The following RBFOX1 variants were observed in gnomAD, a reference collection of about 807,000 sequenced individuals.
RBFOX1 encodes RNA binding protein fox-1 homolog 1.
Under a neutral mutation model 57.7 loss-of-function variants are expected in RBFOX1, and 8 were observed. The observed-to-expected ratio is 0.14, with a 90% CI of 0.08 to 0.25. The LOEUF is 0.25. Ranked by LOEUF, RBFOX1 falls within the 10% of genes least tolerant of loss-of-function variation. The probability of loss-of-function intolerance (pLI) is 1.00; values close to 1 mark genes in which losing one functional copy is unlikely to be tolerated. For missense variants in RBFOX1, 611 were observed against 548.5 expected, an observed-to-expected ratio of 1.11 and a Z score of -1.14; for synonymous variants, 326 against 222.4, an observed-to-expected ratio of 1.47 and a Z score of -4.15.
intron 4 of RBFOX1, among the ~76,000 whole-genome samples, chr16:7,472,607 G>A (rs1469645017): frequency 6.6e-6 from 1 of 152,158 alleles, no homozygotes; most frequent in Non-Finnish European, 1.5e-5. Context: ...TCTGTCCCCA[G>A]CAATTCAGTT....
intron 2 of RBFOX1, among the ~76,000 whole-genome samples, chr16:6,583,429 G>T (rs1278196464): frequency 6.6e-6 from 1 of 152,216 alleles, no homozygotes; most frequent in East Asian, 1.9e-4. Context: ...CAACTGCAAT[G>T]TTAAGTTTTG....
chr16:7,091,456 T>C (rs886676917), intron 4 of RBFOX1, among the ~76,000 whole-genome samples: 1 of 151,956 alleles, frequency 6.6e-6, no homozygotes, highest in Admixed American at 6.6e-5. Flanking sequence ...TTCTGAGGGA[T>C]GTTGAAAAGA....
chr16:6,123,702 C>G (rs1489985509), intron 1 of RBFOX1, among the ~76,000 whole-genome samples: 1 of 152,076 alleles, frequency 6.6e-6, no homozygotes, highest in Non-Finnish European at 1.5e-5. Context: ...CTCAGAAGTC[C>G]AAGACCAGCC....
intron 2 of RBFOX1, among the ~76,000 whole-genome samples, chr16:5,540,697 A>G (rs1202648893): frequency 6.6e-6 from 1 of 152,130 alleles, no homozygotes; most frequent in East Asian, 1.9e-4. Context: ...CACTGACATC[A>G]CGGACTCTGA....
At chr16:6,837,437 A>T (rs72766797) in intron 3 of RBFOX1, among the ~76,000 whole-genome samples, 10,268 of 152,282 alleles carry the variant, frequency 0.067, 512 homozygotes, top group Non-Finnish European at 0.11. Flanking sequence ...AGCCTCACCC[A>T]ACAGCAAGAG....
intron 2 of RBFOX1, among the ~76,000 whole-genome samples, chr16:6,336,171 A>ATTTTTTTTTTTTTTTTTTTTT: frequency 3.6e-5 from 1 of 27,532 alleles, no homozygotes; most frequent in Non-Finnish European, 6.8e-5. Context: ...ATATATATAT[A>ATTTTTTTTTTTTTTTTTTTTT]TATATATATA....
chr16:7,599,638 C>CTTTTTTTTTTTTTTTTTTTTT lies in RBFOX1; in HGVS notation c.622+2219_622+2220insTTTTTTTTTTTTTTTTTTTTT, dbSNP rs542898195. ...GAGAAGATGAAGAAATTAATAAAGA[C>CTTTTTTTTTTTTTTTTTTTTT]TTTTTTTTTTTTCTTTTTTTTTTTT... On this transcript the variant is annotated intron_variant, in intron 9 of 15. Coordinates refer to ENST00000550418, the MANE Select transcript of RBFOX1 (RefSeq NM_018723.4). 4.8e-5 allele frequency among the ~76,000 whole-genome samples: 3 copies of CTTTTTTTTTTTTTTTTTTTTT among 62,804 alleles called. 1 individual carries two copies. Among genetic ancestry groups the CTTTTTTTTTTTTTTTTTTTTT allele is most frequent in the African/African-American group, 1.5e-4 (3 of 20,312 alleles). 41.2% of individuals were successfully genotyped at this position (62,804 alleles called of 152,430 possible). A position where few individuals can be genotyped will look rare whatever the true frequency, so the allele number is the denominator to read the frequency against.
At chr16:6,676,056 G>C in intron 3 of RBFOX1, among the ~76,000 whole-genome samples, 1 of 151,844 alleles carries the variant, frequency 6.6e-6, no homozygotes, top group East Asian at 1.9e-4. Context: ...GAAAACTGAA[G>C]GGAAGTCAAC....
intron 2 of RBFOX1, among the ~76,000 whole-genome samples, chr16:6,637,780 T>C (rs1481304773): frequency 1.3e-5 from 2 of 151,826 alleles, no homozygotes; most frequent in African/African-American, 2.4e-5. Flanking sequence ...GTTGGCGTTA[T>C]TTAGCAGGAG....
chr16:6,528,385 G>T (rs768664512), intron 2 of RBFOX1, among the ~76,000 whole-genome samples: 4 of 152,124 alleles, frequency 2.6e-5, no homozygotes, highest in Non-Finnish European at 5.9e-5. Context: ...ATAAATATTT[G>T]GATAAGTCCA....
At chr16:7,079,968 A>G (rs921932640) in intron 4 of RBFOX1, among the ~76,000 whole-genome samples, 5 of 149,478 alleles carry the variant, frequency 3.3e-5, no homozygotes, top group Admixed American at 1.3e-4. Flanking sequence ...TGAACTATGC[A>G]TTTAAATTAG....
Position 6,389,428 on chromosome 16 carries a change from C to T in RBFOX1, c.-64+72371C>T, listed in dbSNP as rs564734807. Among the ~76,000 whole-genome samples the T allele has an allele frequency of 2.6e-5, 4 of 152,252 alleles. No homozygotes were observed. In the East Asian group the frequency reaches 7.7e-4, roughly 29 times the overall value. On this transcript the variant is annotated intron_variant, in intron 2 of 15. Transcript: ENST00000550418. ...ATCTTTTATTTTCCTTGACAGTGCTCAAGAAAATGTGGTCATTAAGTTTAT... is the reference window on the plus strand; with the variant it reads ...ATCTTTTATTTTCCTTGACAGTGCTTAAGAAAATGTGGTCATTAAGTTTAT...
In RBFOX1 at chr16:6,176,313, ATT is replaced by A. The variant is rs34667158; in HGVS notation, c.-126-140658_-126-140657del. Reference sequence around the variant, plus strand: ...GGTGCCCACCGCCATGCCTGACCAAATTTTTTTTTTTTTTTTTTTTTTTTTAG... The same window carrying A: ...GGTGCCCACCGCCATGCCTGACCAAATTTTTTTTTTTTTTTTTTTTTTTAG... On this transcript the variant is annotated intron_variant, in intron 1 of 15. Transcript: ENST00000550418. Among the ~76,000 whole-genome samples the A allele has an allele frequency of 8.1e-3, 769 of 95,210 alleles. 4 individuals are homozygous for A. Among genetic ancestry groups the A allele is most frequent in the African/African-American group, 0.034 (730 of 21,622 alleles). The allele number at this position is 95,210 out of a possible 152,430, so 62.5% of individuals were successfully genotyped here.
chr16:5,820,887 T>A (rs9924340), intron 3 of RBFOX1, among the ~76,000 whole-genome samples: 1,814 of 152,258 alleles, frequency 0.012, 35 homozygotes, highest in African/African-American at 0.04. Context: ...TCCTCTCTGA[T>A]TGATGGTTTT....
chr16:5,971,193 T>A (rs187209268), intron 4 of RBFOX1, among the ~76,000 whole-genome samples: 1 of 152,344 alleles, frequency 6.6e-6, no homozygotes, highest in Non-Finnish European at 1.5e-5. Context: ...GAACCAGACT[T>A]ACTTATTATT....
chr16:7,410,283 G>C (rs1397404911), intron 4 of RBFOX1, among the ~76,000 whole-genome samples: 1 of 152,208 alleles, frequency 6.6e-6, no homozygotes, highest in East Asian at 1.9e-4. Context: ...GTCTATTACA[G>C]ATACTGTTAT....
chr16:5,888,027 C>G (rs1231545339), intron 4 of RBFOX1, among the ~76,000 whole-genome samples: 1 of 152,210 alleles, frequency 6.6e-6, no homozygotes, highest in African/African-American at 2.4e-5. Context: ...TATAAGACTG[C>G]ATTCCTGCAA....
At chr16:5,619,631 C>T (rs772335725) in intron 3 of RBFOX1, among the ~76,000 whole-genome samples, 2 of 152,200 alleles carry the variant, frequency 1.3e-5, no homozygotes, top group African/African-American at 2.4e-5. Context: ...CTTTCCTTTA[C>T]ACACCATTAG....
chr16:6,383,718 C>T (rs796263922), intron 2 of RBFOX1, among the ~76,000 whole-genome samples: 96 of 151,670 alleles, frequency 6.3e-4, no homozygotes, highest in Non-Finnish European at 1.2e-3. Context: ...TGCAGTGAGC[C>T]AACATCGCAC....
Sources: allele counts gnomAD v4.1 joint callset (sites outside exome capture counted in the v4.1 genomes callset), GRCh38; gene constraint gnomAD v4.1.1; transcripts MANE v1.5; gene names NCBI Gene and HGNC (gene_info 2026-07-23, HGNC 2026-07-21).